SLC37A3: variants seen among roughly 807,000 people sequenced by gnomAD.
The protein encoded by SLC37A3 is solute carrier family 37 member 3.
SLC37A3 carries 51 observed loss-of-function variants against 67.1 expected under a neutral mutation model. The observed-to-expected ratio is 0.76, with a 90% confidence interval of 0.61 to 0.96. The LOEUF (loss-of-function observed/expected upper bound fraction) is 0.96, where lower values mean the gene tolerates loss of function less well. SLC37A3 is among the 40% of genes least tolerant of loss of function. The pLI is 0.00. For synonymous variants in SLC37A3, 214 were observed against 231.4 expected (o/e 0.92, Z 0.68); for missense variants, 508 against 603.0 (o/e 0.84, Z 1.65).
In SLC37A3 at chr7:140,348,450, T is replaced by C. The variant is rs553785045; in HGVS notation, c.1024+176A>G. 32 of 637,872 alleles carry C rather than the reference T, an allele frequency of 5.0e-5. No homozygotes were observed. In the East Asian group the frequency reaches 1.1e-3, roughly 22 times the overall value. 39.5% of individuals were successfully genotyped at this position (637,872 alleles called of 1,614,324 possible). A position where few individuals can be genotyped will look rare whatever the true frequency, so the allele number is the denominator to read the frequency against. ...TTCTATGGACCTCTTGTTTTTTCTT[T>C]TCTTTTCTTTTCTTTTTTTTTTTTT... On this transcript the variant is annotated intron_variant, in intron 10 of 14. Transcript: ENST00000326232.
At chr7:140,358,884 G>T in intron 5 of SLC37A3, 99 bp from the exon 6 acceptor site, 2 of 1,433,588 alleles carry the variant, frequency 1.4e-6, no homozygotes, top group South Asian at 1.2e-5. Flanking sequence ...ACCACGTGAA[G>T]GATACACTCA....
intron 9 of SLC37A3, among the ~76,000 whole-genome samples, chr7:140,349,858 T>C (rs1796723248): frequency 6.6e-6 from 1 of 152,158 alleles, no homozygotes; most frequent in Non-Finnish European, 1.5e-5. Flanking sequence ...AATTAAACTA[T>C]TACCAGCAGA....
intron 14 of SLC37A3, among the ~76,000 whole-genome samples, chr7:140,336,337 G>C (rs1796130122): frequency 6.6e-6 from 1 of 152,314 alleles, no homozygotes; most frequent in Admixed American, 6.5e-5. Flanking sequence ...CTGAGCCCAA[G>C]ATCACCTGAG....
In SLC37A3 at chr7:140,358,695, A is replaced by C. The variant is rs1797136093; in HGVS notation, c.466T>G (p.Ser156Ala). ...CLWIVNGLLQ[S>A]TGWPCVVAVM... ...GCAACCACACAGGGCCAACCAGTGG[A>C]CTGCAGCAGGCCGTTCACAATCCAC... The change falls in exon 6 of 15, where the codon TCC (serine) becomes GCC (alanine). Residue 156 changes from serine (S) to alanine (A), a missense_variant. Ser to Ala is a moderately conservative substitution (Grantham distance 99, BLOSUM62 1). Transcript: ENST00000326232. The C allele has an allele frequency of 1.2e-6, 2 of 1,614,094 alleles. No homozygotes were observed. Among genetic ancestry groups the C allele is most frequent in the Admixed American group, 1.7e-5 (1 of 60,000 alleles).
intron 7 of SLC37A3, 116 bp from the exon 8 acceptor site, chr7:140,352,262 G>A (rs1009996492): frequency 1.6e-5 from 13 of 805,718 alleles, no homozygotes; most frequent in African/African-American, 1.2e-4. Context: ...AAGGGAGACC[G>A]GGAAGCAAGG....
chr7:140,378,641 G>T (rs1247957670), intron 3 of SLC37A3, among the ~76,000 whole-genome samples: 1 of 151,908 alleles, frequency 6.6e-6, no homozygotes, highest in African/African-American at 2.4e-5. Flanking sequence ...GGAGGCTGAG[G>T]CAGGAGAATC....
chr7:140,382,403 A>G, intron 2 of SLC37A3, 35 bp downstream of exon 2: 2 of 1,593,076 alleles, frequency 1.3e-6, no homozygotes, highest in Non-Finnish European at 1.7e-6. Context: ...GAAAAAAGAA[A>G]AAAAGCAGGA....
chr7:140,341,458 A>G (rs1174220564), intron 13 of SLC37A3, among the ~76,000 whole-genome samples: 2 of 152,134 alleles, frequency 1.3e-5, no homozygotes, highest in African/African-American at 4.8e-5. Flanking sequence ...AGAAGAAACA[A>G]TTCTTTACTT....
chr7:140,369,762 A>G (rs1797747771), intron 3 of SLC37A3, 80 bp from the exon 4 acceptor site: 1 of 1,107,674 alleles, frequency 9.0e-7, no homozygotes, highest in Non-Finnish European at 1.3e-6. Context: ...CTTCACAAAC[A>G]CTTCCAAAGC....
rs779433208 is a variant in SLC37A3, at chr7:140,380,340, C to T, written c.140G>A (p.Ser47Asn). The T allele has an allele frequency of 6.2e-7, 1 of 1,613,582 alleles. No individual in the cohort carries two copies. Among genetic ancestry groups the T allele is most frequent in the South Asian group, 1.1e-5 (1 of 91,072 alleles). The change falls in exon 3 of 15, where the codon AGT becomes AAT. Residue 47 changes from serine to asparagine, a missense_variant. Coordinates refer to ENST00000326232, the MANE Select transcript of SLC37A3 (RefSeq NM_207113.3). ...SRKTFSNVKV[S>N]ISEQWTPSAF... ...ACTTGGGGTCCACTGCTCAGAGATA[C>T]TGACTTTGACATTGCTAAATGTTTT...
intron 5 of SLC37A3, among the ~76,000 whole-genome samples, chr7:140,362,109 G>A (rs1487471948): frequency 2.1e-4 from 28 of 134,014 alleles, no homozygotes; most frequent in African/African-American, 7.8e-4. Context: ...AGTGAGGAGC[G>A]CCTCTTCCCG....
intron 1 of SLC37A3, among the ~76,000 whole-genome samples, chr7:140,394,896 T>A (rs1798857981): frequency 6.6e-6 from 1 of 151,428 alleles, no homozygotes; most frequent in Admixed American, 6.6e-5. Flanking sequence ...TGTGAGCTAC[T>A]GTGCCCAGCC....
At chr7:140,364,627 C>G (rs1457684209) in intron 4 of SLC37A3, 136 bp from the exon 5 acceptor site, 1 of 735,388 alleles carries the variant, frequency 1.4e-6, no homozygotes, top group Admixed American at 2.9e-5. Flanking sequence ...GGCTACCTGT[C>G]TACAGGAGTT....
At chr7:140,336,297 G>C (rs533249112) in intron 14 of SLC37A3, among the ~76,000 whole-genome samples, 2 of 152,314 alleles carry the variant, frequency 1.3e-5, no homozygotes, top group East Asian at 3.9e-4. Context: ...ATAGTCCCAG[G>C]TAATCAGGAG....
chr7:140,353,771 G>A (rs1487905541), intron 7 of SLC37A3, among the ~76,000 whole-genome samples: 1 of 151,600 alleles, frequency 6.6e-6, no homozygotes, highest in Admixed American at 6.6e-5. Flanking sequence ...GGAGTGCAAT[G>A]GCATGATCTT....
chr7:140,374,353 C>T (rs1184599064), intron 3 of SLC37A3, among the ~76,000 whole-genome samples: 1 of 152,036 alleles, frequency 6.6e-6, no homozygotes. Context: ...CAAAAACTAG[C>T]CGGGCGTGGT....
intron 7 of SLC37A3, among the ~76,000 whole-genome samples, chr7:140,353,075 T>C (rs1194962469): frequency 1.3e-5 from 2 of 152,090 alleles, no homozygotes; most frequent in Non-Finnish European, 2.9e-5. Context: ...ACACCAAAAT[T>C]CTTGGTGAGC....
At chr7:140,342,636 C>T (rs923643131) in intron 13 of SLC37A3, among the ~76,000 whole-genome samples, 1 of 151,652 alleles carries the variant, frequency 6.6e-6, no homozygotes, top group Non-Finnish European at 1.5e-5. Context: ...CATGACTCTG[C>T]CAGAAAAGAA....
rs35674101 is a variant in SLC37A3 at position 140,395,379 on chromosome 7, TAAAAAA to T, written c.-71+3031_-71+3036del. The stretch of plus-strand genomic sequence containing the variant: ...GACAAAGCGAGACTCCATCTCAAAT[TAAAAAA>T]AAAAAAAAAAAAAAAAAAGAGCTAT... On this transcript the variant is annotated intron_variant, in intron 1 of 14. Transcript: ENST00000326232. Among the ~76,000 whole-genome samples the T allele has an allele frequency of 9.0e-5, 7 of 77,794 alleles. No individual in the cohort carries two copies. In the Admixed American group the frequency reaches 1.1e-3, roughly 13 times the overall value. The allele number at this position is 77,794 out of a possible 152,430, so 51.0% of individuals were successfully genotyped here. A position where few individuals can be genotyped will look rare whatever the true frequency, so the allele number is the denominator to read the frequency against.
Sources: allele counts gnomAD v4.1 joint callset (sites outside exome capture counted in the v4.1 genomes callset), GRCh38; gene constraint gnomAD v4.1.1; transcripts MANE v1.5; gene names NCBI Gene and HGNC (gene_info 2026-07-23, HGNC 2026-07-21).